DLG2: variants seen among roughly 807,000 people sequenced by gnomAD.
DLG2 encodes disks large homolog 2.
In DLG2, 45 loss-of-function variants were observed where a neutral mutation model predicts 132.5. The observed-to-expected ratio is 0.34, with a 90% CI of 0.27 to 0.44. The LOEUF (loss-of-function observed/expected upper bound fraction) is 0.44. Ranked by LOEUF, DLG2 falls within the 20% of genes least tolerant of loss-of-function variation. The probability of loss-of-function intolerance (pLI) is 1.00; values close to 1 mark genes in which losing one functional copy is unlikely to be tolerated. For missense variants in DLG2, 1,045 were observed against 1,196.9 expected (o/e 0.87, Z 1.87); for synonymous variants, 424 against 419.6 (o/e 1.01, Z -0.13).
intron 4 of DLG2, among the ~76,000 whole-genome samples, chr11:85,254,138 C>T (rs1252535489): frequency 6.6e-6 from 1 of 152,162 alleles, no homozygotes; most frequent in Non-Finnish European, 1.5e-5. Flanking sequence ...GGGGACCTGC[C>T]CACTTCTGCC....
intron 6 of DLG2, among the ~76,000 whole-genome samples, chr11:84,753,459 G>A (rs1294660042): frequency 1.3e-5 from 2 of 152,160 alleles, no homozygotes; most frequent in Non-Finnish European, 2.9e-5. Context: ...GAGCTTATAG[G>A]ATTTTCTAAC....
At chr11:84,435,173 G>A (rs571951959) in intron 7 of DLG2, among the ~76,000 whole-genome samples, 4 of 152,038 alleles carry the variant, frequency 2.6e-5, no homozygotes, top group East Asian at 1.9e-4. Context: ...TATGATCTTT[G>A]ATATTATAGG....
In DLG2 at chr11:85,598,700, CT is replaced by C. The variant is rs1418059383; in HGVS notation, c.-5del. 1.9e-6 allele frequency: 3 copies of C among 1,577,472 alleles called. No homozygotes were observed. Among genetic ancestry groups the C allele is most frequent in the South Asian group, 2.4e-5 (2 of 84,796 alleles). ...AGCTGCTCTTAAAGATACCCATCAC[CT>C]TTTTAACCGCATTTTTCAACAGCTG... On this transcript the variant is annotated 5_prime_UTR_variant, in exon 3 of 28. Coordinates refer to ENST00000376104, the MANE Select transcript of DLG2 (RefSeq NM_001142699.3).
At chr11:84,985,582 G>C (rs1008459497) in intron 6 of DLG2, among the ~76,000 whole-genome samples, 1 of 151,832 alleles carries the variant, frequency 6.6e-6, no homozygotes, top group Non-Finnish European at 1.5e-5. Flanking sequence ...AGACAAACAT[G>C]AACAAACCAA....
chr11:84,623,093 C>T (rs1323150577), intron 6 of DLG2, among the ~76,000 whole-genome samples: 1 of 152,126 alleles, frequency 6.6e-6, no homozygotes, highest in African/African-American at 2.4e-5. Flanking sequence ...AGAGTACTAT[C>T]CCAAACACCA....
intron 11 of DLG2, among the ~76,000 whole-genome samples, chr11:84,040,767 G>T (rs2096054212): frequency 6.6e-6 from 1 of 150,940 alleles, no homozygotes; most frequent in Admixed American, 6.6e-5. Flanking sequence ...GAAAGTCATT[G>T]GTAGCTTGAT....
At chr11:84,214,723 C>A (rs1174348897) in intron 8 of DLG2, among the ~76,000 whole-genome samples, 7 of 152,148 alleles carry the variant, frequency 4.6e-5, no homozygotes, top group Admixed American at 4.6e-4. Flanking sequence ...TTACAGTCCA[C>A]TTCCACACCC....
chr11:83,662,599 T>C (rs2074571661), intron 18 of DLG2, among the ~76,000 whole-genome samples: 1 of 152,174 alleles, frequency 6.6e-6, no homozygotes, highest in Non-Finnish European at 1.5e-5. Context: ...ATGAGAATAT[T>C]TGTCTCTTCT....
intron 3 of DLG2, among the ~76,000 whole-genome samples, chr11:85,302,562 A>T (rs1273540767): frequency 6.6e-6 from 1 of 150,802 alleles, no homozygotes; most frequent in African/African-American, 2.4e-5. Context: ...ATGGGCCAGT[A>T]GGTATGAAAT....
intron 6 of DLG2, among the ~76,000 whole-genome samples, chr11:84,676,163 A>C (rs1030009193): frequency 1.3e-5 from 2 of 152,124 alleles, no homozygotes; most frequent in African/African-American, 4.8e-5. Flanking sequence ...ATTAAGCATA[A>C]CAAATAATAT....
At chr11:84,912,980 A>G (rs750356843) in intron 6 of DLG2, among the ~76,000 whole-genome samples, 40 of 152,206 alleles carry the variant, frequency 2.6e-4, no homozygotes, top group African/African-American at 5.8e-4. Context: ...GCCAGTCACA[A>G]TGTTTCCCGG....
chr11:85,357,788 G>A (rs1315334235), intron 3 of DLG2, among the ~76,000 whole-genome samples: 8 of 141,708 alleles, frequency 5.6e-5, no homozygotes, highest in African/African-American at 2.6e-5. Context: ...TAGGGTACAT[G>A]TGCACATTTT....
intron 18 of DLG2, among the ~76,000 whole-genome samples, chr11:83,723,348 C>A (rs536364086): frequency 6.6e-6 from 1 of 151,946 alleles, no homozygotes; most frequent in Non-Finnish European, 1.5e-5. Flanking sequence ...CCACTGCACT[C>A]CAGCCTGGGC....
At position 85,604,633 on chromosome 11, in the gene DLG2, G is replaced by GA. The variant is rs1349936890; in HGVS notation, c.-92-5846dup. Among the ~76,000 whole-genome samples, 1,288 of 144,112 alleles carry GA rather than the reference G, an allele frequency of 8.9e-3. 12 individuals are homozygous for GA. Among genetic ancestry groups the GA allele is most frequent in the African/African-American group, 0.025 (997 of 39,602 alleles). The allele number at this position is 144,112 out of a possible 152,430, so 94.5% of individuals were successfully genotyped here. On this transcript the variant is annotated intron_variant, in intron 2 of 27. Coordinates refer to ENST00000376104, the MANE Select transcript of DLG2 (RefSeq NM_001142699.3). ...CTTCATAAGACTCCTGAGTCTACAG[G>GA]AAAAAAAAAAAGCTAAATTTGGATT...
intron 9 of DLG2, among the ~76,000 whole-genome samples, chr11:84,136,474 A>G (rs946157555): frequency 1.3e-5 from 2 of 152,176 alleles, no homozygotes; most frequent in African/African-American, 4.8e-5. Context: ...TTATTACATC[A>G]TCATCACATC....
chr11:84,534,340 C>T (rs1306836649), intron 7 of DLG2, among the ~76,000 whole-genome samples: 1 of 152,160 alleles, frequency 6.6e-6, no homozygotes. Context: ...TTTCTTTACT[C>T]CATTCTCAGC....
At chr11:85,108,027 C>CAT (rs2072097577) in intron 6 of DLG2, among the ~76,000 whole-genome samples, 1 of 148,170 alleles carries the variant, frequency 6.7e-6, no homozygotes, top group Non-Finnish European at 1.5e-5. Context: ...CACACACACA[C>CAT]ATCCAGGAAG....
At chr11:83,837,966 C>T (rs141279071) in intron 16 of DLG2, among the ~76,000 whole-genome samples, 10 of 152,044 alleles carry the variant, frequency 6.6e-5, no homozygotes, top group African/African-American at 2.4e-4. Context: ...AGGTTATTGT[C>T]GAAATCTCCC....
At chr11:84,602,327 GA>G (rs142749931) in intron 6 of DLG2, among the ~76,000 whole-genome samples, 24 of 147,104 alleles carry the variant, frequency 1.6e-4, no homozygotes, top group Non-Finnish European at 2.3e-4. Context: ...TTCTACTGGT[GA>G]AAAAAAAAAT....
Sources: allele counts gnomAD v4.1 joint callset (sites outside exome capture counted in the v4.1 genomes callset), GRCh38; gene constraint gnomAD v4.1.1; transcripts MANE v1.5; gene names NCBI Gene and HGNC (gene_info 2026-07-23, HGNC 2026-07-21).